Variants in STAG1 observed in about 807,000 individuals in gnomAD.
STAG1 encodes the protein STAG1 cohesin complex component, also known as cohesin subunit SA-1.
A neutral mutation model predicts 170.9 loss-of-function variants in STAG1; 26 were observed. That is an observed-to-expected ratio of 0.15 (90% confidence interval 0.11 to 0.21). The LOEUF is 0.21. STAG1 is among the 10% of genes least tolerant of loss of function. The probability of loss-of-function intolerance (pLI) is 1.00; values close to 1 mark genes in which losing one functional copy is unlikely to be tolerated. For synonymous variants in STAG1, 514 were observed against 497.7 expected (o/e 1.03, Z -0.44); for missense variants, 964 against 1,509.5 (o/e 0.64, Z 5.99).
At position 136,619,751 on chromosome 3, in the gene STAG1, T is replaced by C. The variant is rs201274339; in HGVS notation, c.132+3395A>G. ...CAGATTACGCAACAGCGCGAGACTCTGTCTCAAAAAAAAAAAAAAAAAAAA... is the reference window on the plus strand; with the variant it reads ...CAGATTACGCAACAGCGCGAGACTCCGTCTCAAAAAAAAAAAAAAAAAAAA... On this transcript the variant is annotated intron_variant, in intron 3 of 33. Coordinates refer to ENST00000383202, the MANE Select transcript of STAG1 (RefSeq NM_005862.3). Among the ~76,000 whole-genome samples the C allele has an allele frequency of 4.3e-3, 423 of 97,522 alleles. 6 individuals carry two copies. The East Asian group carries it at 0.059, about 14-fold the overall frequency. 64.0% of individuals were successfully genotyped at this position (97,522 alleles called of 152,430 possible).
At chr3:136,389,837 C>CT (rs112909394) in intron 22 of STAG1, among the ~76,000 whole-genome samples, 5,782 of 138,536 alleles carry the variant, frequency 0.042, 142 homozygotes, top group East Asian at 0.13. Flanking sequence ...ATTTTTTTTT[C>CT]TTTTTTTTTT....
At chr3:136,422,069 C>T (rs1479351232) in intron 19 of STAG1, among the ~76,000 whole-genome samples, 2 of 150,612 alleles carry the variant, frequency 1.3e-5, no homozygotes, top group African/African-American at 2.4e-5. Context: ...ATCACTTGAA[C>T]CTGGGAGGCG....
intron 1 of STAG1, among the ~76,000 whole-genome samples, chr3:136,699,177 T>A (rs1942977702): frequency 2.0e-5 from 3 of 152,066 alleles, no homozygotes; most frequent in Non-Finnish European, 4.4e-5. Context: ...AAAGAATTTA[T>A]CCATGTAACG....
intron 1 of STAG1, chr3:136,736,935 T>G: frequency 6.3e-7 from 1 of 1,593,296 alleles, no homozygotes; most frequent in Non-Finnish European, 8.6e-7. Flanking sequence ...ACTTGTAAGC[T>G]TTGTCCACAG....
intron 1 of STAG1, among the ~76,000 whole-genome samples, chr3:136,680,504 G>T (rs1942297900): frequency 6.6e-6 from 1 of 152,014 alleles, no homozygotes; most frequent in Non-Finnish European, 1.5e-5. Flanking sequence ...CTATTTACAA[G>T]AATTTTTGGG....
intron 1 of STAG1, among the ~76,000 whole-genome samples, chr3:136,671,890 G>A (rs1380810298): frequency 6.6e-6 from 1 of 152,030 alleles, no homozygotes; most frequent in Admixed American, 6.6e-5. Context: ...AAAAAAAAGA[G>A]AAAGAAAAAG....
intron 2 of STAG1, among the ~76,000 whole-genome samples, chr3:136,630,354 T>G (rs928595876): frequency 7.0e-6 from 1 of 142,992 alleles, no homozygotes; most frequent in African/African-American, 2.7e-5. Flanking sequence ...AAAGAAAGAA[T>G]CATAATAAAA....
intron 5 of STAG1, among the ~76,000 whole-genome samples, chr3:136,558,488 G>A (rs1936711819): frequency 6.6e-6 from 1 of 152,204 alleles, no homozygotes; most frequent in South Asian, 2.1e-4. Context: ...GTTCATGCAA[G>A]AGAAAATTCT....
intron 4 of STAG1, among the ~76,000 whole-genome samples, chr3:136,572,276 C>T (rs1027866041): frequency 2.0e-5 from 3 of 151,630 alleles, no homozygotes; most frequent in Non-Finnish European, 4.4e-5. Flanking sequence ...TACGAAGGAA[C>T]TGAAAAACAA....
intron 5 of STAG1, among the ~76,000 whole-genome samples, chr3:136,565,386 C>T (rs1937040402): frequency 1.3e-5 from 2 of 151,986 alleles, no homozygotes; most frequent in Non-Finnish European, 2.9e-5. Context: ...TATATTTCTT[C>T]AAAGAAAATA....
chr3:136,675,314 T>G lies in STAG1; in HGVS notation c.-83-44333A>C, dbSNP rs369415959. Among the ~76,000 whole-genome samples, 60 of 152,296 alleles carry G rather than the reference T, an allele frequency of 3.9e-4. No individual in the cohort carries two copies. In the South Asian group the frequency reaches 0.012, roughly 31 times the overall value. On this transcript the variant is annotated intron_variant, in intron 1 of 33. Coordinates refer to ENST00000383202, the MANE Select transcript of STAG1 (RefSeq NM_005862.3). ...TCCCTGTCCTCTTGCTTCCAATGCT[T>G]GGAGCCACAACAGCCATATGCAAAC...
chr3:136,486,042 G>A (rs902897471), intron 9 of STAG1, among the ~76,000 whole-genome samples: 1 of 152,078 alleles, frequency 6.6e-6, no homozygotes, highest in Non-Finnish European at 1.5e-5. Flanking sequence ...ATACTGCATC[G>A]GGACCCATTA....
At chr3:136,728,071 G>C (rs903651112) in intron 1 of STAG1, among the ~76,000 whole-genome samples, 3 of 152,010 alleles carry the variant, frequency 2.0e-5, no homozygotes, top group African/African-American at 7.2e-5. Flanking sequence ...AGACAGGGGA[G>C]CTGCTTGAAC....
intron 4 of STAG1, among the ~76,000 whole-genome samples, chr3:136,578,980 TA>T (rs780280403): frequency 2.6e-5 from 4 of 152,214 alleles, no homozygotes; most frequent in Non-Finnish European, 4.4e-5. Flanking sequence ...AAACTAGAAG[TA>T]AACACTACAT....
At chr3:136,660,557 G>A (rs1941545331) in intron 1 of STAG1, among the ~76,000 whole-genome samples, 2 of 152,120 alleles carry the variant, frequency 1.3e-5, no homozygotes, top group Non-Finnish European at 2.9e-5. Context: ...TCAAATACAG[G>A]AAAGGAAAAT....
chr3:136,396,056 T>C (rs1322732344), intron 22 of STAG1, among the ~76,000 whole-genome samples: 1 of 152,130 alleles, frequency 6.6e-6, no homozygotes, highest in African/African-American at 2.4e-5. Context: ...ATGTGCGCCA[T>C]GATGCCCAGC....
At chr3:136,338,574 GGAA>G (rs1254734565) in intron 32 of STAG1, 124 bp from the exon 33 acceptor site, 27 of 672,276 alleles carry the variant, frequency 4.0e-5, no homozygotes, top group Admixed American at 9.1e-5. Flanking sequence ...AATTTTGAAA[GGAA>G]GAAGAGAATC....
chr3:136,488,986 G>A (rs1411436494), intron 9 of STAG1, among the ~76,000 whole-genome samples: 2 of 152,080 alleles, frequency 1.3e-5, no homozygotes, highest in Non-Finnish European at 2.9e-5. Context: ...TGCAGGGGGT[G>A]CAAAAAATAG....
intron 12 of STAG1, among the ~76,000 whole-genome samples, chr3:136,466,543 T>A (rs1225495098): frequency 6.6e-6 from 1 of 151,986 alleles, no homozygotes; most frequent in Admixed American, 6.6e-5. Context: ...TACCTGAAAG[T>A]GACAGGAAGA....
Sources: allele counts gnomAD v4.1 joint callset (sites outside exome capture counted in the v4.1 genomes callset), GRCh38; gene constraint gnomAD v4.1.1; transcripts MANE v1.5; gene names NCBI Gene and HGNC (gene_info 2026-07-23, HGNC 2026-07-21).